The following ITGA7 variants were observed in gnomAD, a reference collection of about 807,000 sequenced individuals.
The protein encoded by ITGA7 is integrin subunit alpha 7.
A neutral mutation model predicts 131.6 loss-of-function variants in ITGA7; 84 were observed. The ratio of observed to expected loss-of-function variants is 0.64; its 90% confidence interval spans 0.54 to 0.77. The LOEUF (loss-of-function observed/expected upper bound fraction) is 0.77. ITGA7 is among the 30% of genes least tolerant of loss of function. The pLI, the probability that ITGA7 is intolerant of heterozygous loss-of-function variation, is 0.00. For synonymous variants in ITGA7, 548 were observed against 600.7 expected (o/e 0.91, Z 1.28); for missense variants, 1,399 against 1,482.9 (o/e 0.94, Z 0.93).
intron 21 of ITGA7, among the ~76,000 whole-genome samples, chr12:55,692,526 C>A (rs969717246): frequency 1.3e-5 from 2 of 152,180 alleles, no homozygotes; most frequent in African/African-American, 4.8e-5. Flanking sequence ...ACAAACAGAC[C>A]TCAAAGTGTG....
chr12:55,716,317 T>TG (rs1876521685), upstream of ITGA7: 13 of 1,505,186 alleles, frequency 8.6e-6, no homozygotes, highest in Non-Finnish European at 1.1e-5. Flanking sequence ...GCAACGGGCA[T>TG]GGGGGAGAGG....
upstream of ITGA7, chr12:55,715,907 T>C (rs116057086): frequency 3.5e-3 from 3,656 of 1,046,864 alleles, 97 homozygotes; most frequent in African/African-American, 0.053. Flanking sequence ...AAATACTTCT[T>C]CCAACACTCA....
intron 3 of ITGA7, among the ~76,000 whole-genome samples, chr12:55,702,054 C>T (rs542949032): frequency 2.6e-5 from 4 of 152,276 alleles, no homozygotes; most frequent in African/African-American, 7.2e-5. Flanking sequence ...TTGCTCTTGT[C>T]TCCCAGGCTA....
At position 55,697,204 on chromosome 12, in the gene ITGA7, G is replaced by C. The variant is rs79849707; in HGVS notation, c.1567+12C>G. The C allele has an allele frequency of 1.3e-6, 2 of 1,592,768 alleles. No homozygotes were observed. Among genetic ancestry groups the C allele is most frequent in the Admixed American group, 1.8e-5 (1 of 55,662 alleles). ...CCAAAAGGGCGAGCCACAGAGGGGGGACCGCACTCACCCACAGTAGGGCTA... is the reference window on the plus strand; with the variant it reads ...CCAAAAGGGCGAGCCACAGAGGGGGCACCGCACTCACCCACAGTAGGGCTA... On this transcript the variant is annotated intron_variant, in intron 11 of 24. Transcript: ENST00000257879.
intron 21 of ITGA7, among the ~76,000 whole-genome samples, chr12:55,690,486 G>A (rs1420043080): frequency 4.0e-5 from 6 of 148,496 alleles, no homozygotes; most frequent in Non-Finnish European, 6.0e-5. Context: ...GTGCTGGAGA[G>A]GATGTGGAGA....
intron 21 of ITGA7, among the ~76,000 whole-genome samples, 168 bp from the exon 22 acceptor site, chr12:55,689,125 T>C (rs1870906150): frequency 6.6e-6 from 1 of 152,156 alleles, no homozygotes; most frequent in South Asian, 2.1e-4. Context: ...GCTATTCAGC[T>C]TTGAAATGCG....
At chr12:55,695,424 G>T in intron 14 of ITGA7, 98 bp downstream of exon 14, 1 of 880,862 alleles carries the variant, frequency 1.1e-6, no homozygotes, top group African/African-American at 1.6e-5. Flanking sequence ...TTTTCTGCAG[G>T]CTCAGCCCTT....
At chr12:55,686,665 G>C (rs1256647604) in intron 24 of ITGA7, among the ~76,000 whole-genome samples, 1 of 152,210 alleles carries the variant, frequency 6.6e-6, no homozygotes. Flanking sequence ...TATGACCCCG[G>C]TGATGTATGT....
chr12:55,715,912 C>T, upstream of ITGA7: 4 of 1,072,708 alleles, frequency 3.7e-6, no homozygotes, highest in South Asian at 7.0e-5. Context: ...CTTCTTCCAA[C>T]ACTCACCAAA....
intron 19 of ITGA7, among the ~76,000 whole-genome samples, chr12:55,693,542 G>C (rs552497513): frequency 3.6e-4 from 54 of 151,946 alleles, no homozygotes; most frequent in Non-Finnish European, 6.5e-4. Flanking sequence ...CACAGAGATG[G>C]AAGGAACAAG....
intron 3 of ITGA7, among the ~76,000 whole-genome samples, chr12:55,702,429 A>C (rs1874256127): frequency 6.6e-6 from 1 of 152,038 alleles, no homozygotes. Flanking sequence ...CGGCCTCCCA[A>C]AGTGCTGGGA....
chr12:55,704,284 C>G (rs1874717017), intron 1 of ITGA7, among the ~76,000 whole-genome samples: 1 of 152,244 alleles, frequency 6.6e-6, no homozygotes, highest in South Asian at 2.1e-4. Flanking sequence ...ACTGTGCCAG[C>G]TCTGATGGGG....
At chr12:55,700,841 G>A in intron 4 of ITGA7, 58 bp downstream of exon 4, 1 of 1,609,988 alleles carries the variant, frequency 6.2e-7, no homozygotes, top group African/African-American at 1.3e-5. Context: ...CCCCAACCCT[G>A]TCTCTGAGGT....
chr12:55,701,460 T>C, intron 3 of ITGA7: 1 of 1,544,258 alleles, frequency 6.5e-7, no homozygotes, highest in Non-Finnish European at 8.8e-7. Flanking sequence ...ACATAGGATG[T>C]GTGTCTCCCT....
rs144639829 is a variant in ITGA7, at chr12:55,701,051, C to T, written c.518G>A (p.Arg173Gln). 2.4e-5 allele frequency: 38 copies of T among 1,614,094 alleles called. No homozygotes were observed. The South Asian group carries it at 2.5e-4, about 11-fold the overall frequency. Reference protein sequence around the residue: ...CFVLSQDLAIRDELDGGEWKF... With the variant: ...CFVLSQDLAIQDELDGGEWKF... ...CCATTCCCCACCATCCAACTCATCC[C>T]GGATGGCCAGGTCCTGGCTGAGCAC... Residue 173 changes from arginine (R) to glutamine (Q), a missense_variant, in exon 4 of 25, where the codon CGG becomes CAG. By Grantham distance (43) the Arg-to-Gln change is conservative. Transcript: ENST00000257879.
chr12:55,702,996 A>G (rs377710097), intron 2 of ITGA7, 45 bp from the exon 3 acceptor site: 3 of 1,613,186 alleles, frequency 1.9e-6, no homozygotes, highest in African/African-American at 1.3e-5. Context: ...GAGGAGCCCA[A>G]GTCCTCTCCT....
At chr12:55,715,900 T>C, upstream of ITGA7, 1 of 969,128 alleles carries the variant, frequency 1.0e-6, no homozygotes, top group South Asian at 2.0e-5. Context: ...TATTAGAAAA[T>C]ACTTCTTCCA....
chr12:55,684,600 G>GA lies in ITGA7; in HGVS notation c.*457dup, dbSNP rs1869686646. On this transcript the variant is annotated 3_prime_UTR_variant, in exon 25 of 25. Coordinates refer to ENST00000257879, the MANE Select transcript of ITGA7 (RefSeq NM_002206.3). ...CTCAAATATTTTTTAATAAATAGAC[G>GA]AAACCACGAAACCACTAGACTGATG... 1 of 172,128 alleles carries GA rather than the reference G, an allele frequency of 5.8e-6. No homozygotes were observed. The highest frequency in any genetic ancestry group is 5.7e-5 in the Admixed American group (1 of 17,414). 10.7% of individuals were successfully genotyped at this position (172,128 alleles called of 1,614,324 possible). A position where few individuals can be genotyped will look rare whatever the true frequency, so the allele number is the denominator to read the frequency against.
At chr12:55,690,958 G>A (rs973412283) in intron 21 of ITGA7, among the ~76,000 whole-genome samples, 12 of 151,848 alleles carry the variant, frequency 7.9e-5, no homozygotes, top group African/African-American at 2.9e-4. Context: ...ATCACACTCT[G>A]GGGACTGTTG....
Sources: allele counts gnomAD v4.1 joint callset (sites outside exome capture counted in the v4.1 genomes callset), GRCh38; gene constraint gnomAD v4.1.1; transcripts MANE v1.5; gene names NCBI Gene and HGNC (gene_info 2026-07-23, HGNC 2026-07-21).